GRM8: variants seen among roughly 807,000 people sequenced by gnomAD.
GRM8 encodes the protein glutamate metabotropic receptor 8, also known as metabotropic glutamate receptor 8.
Under a neutral mutation model 87.2 loss-of-function variants are expected in GRM8, and 47 were observed. The observed-to-expected ratio is 0.54, with a 90% CI of 0.43 to 0.69. GRM8 has a LOEUF of 0.69. Ranked by LOEUF, GRM8 falls within the 30% of genes least tolerant of loss-of-function variation. The pLI, the probability that GRM8 is intolerant of heterozygous loss-of-function variation, is 0.00. For missense variants in GRM8, 1,019 were observed against 1,139.2 expected, an observed-to-expected ratio of 0.89 and a Z score of 1.52; for synonymous variants, 396 against 404.5, an observed-to-expected ratio of 0.98 and a Z score of 0.25.
rs1798105301 is a variant in GRM8, at chr7:126,861,192, C to T, written c.1156+41350G>A. Among the ~76,000 whole-genome samples, 6 of 152,182 alleles carry T rather than the reference C, an allele frequency of 3.9e-5. No homozygotes were observed. In the South Asian group the frequency reaches 1.2e-3, roughly 32 times the overall value. On this transcript the variant is annotated intron_variant, in intron 6 of 10. Transcript: ENST00000339582. The stretch of plus-strand genomic sequence containing the variant: ...CCCTATCCATATTTTTATTTTCCCT[C>T]ATATGTATCTATTTATAAAGAGTGT...
chr7:126,962,362 A>C (rs1199034580), intron 3 of GRM8, among the ~76,000 whole-genome samples: 1 of 152,242 alleles, frequency 6.6e-6, no homozygotes, highest in African/African-American at 2.4e-5. Context: ...ATGCTGCTGC[A>C]TATGGTCAAG....
intron 2 of GRM8, chr7:127,228,848 A>G (rs1455067080): frequency 2.0e-5 from 3 of 152,196 alleles, no homozygotes; most frequent in Non-Finnish European, 4.4e-5. Context: ...CATTTTCTAG[A>G]TGGGCATAGA....
At chr7:126,702,971 G>A (rs570065383) in intron 7 of GRM8, among the ~76,000 whole-genome samples, 3 of 152,100 alleles carry the variant, frequency 2.0e-5, no homozygotes, top group East Asian at 1.9e-4. Flanking sequence ...GACTTGGCAC[G>A]TTCAAGCCAC....
chr7:126,920,843 C>G (rs549361894), intron 3 of GRM8, among the ~76,000 whole-genome samples: 5 of 151,526 alleles, frequency 3.3e-5, no homozygotes, highest in African/African-American at 1.2e-4. Flanking sequence ...CCCCTGCCCC[C>G]ACTAAACCCC....
At chr7:126,481,278 T>C (rs935282473) in intron 9 of GRM8, among the ~76,000 whole-genome samples, 1 of 151,984 alleles carries the variant, frequency 6.6e-6, no homozygotes, top group Non-Finnish European at 1.5e-5. Context: ...CAAGATCCAG[T>C]TATGGATGAC....
At chr7:127,040,282 T>C (rs1252635846) in intron 3 of GRM8, among the ~76,000 whole-genome samples, 4 of 152,040 alleles carry the variant, frequency 2.6e-5, no homozygotes, top group Admixed American at 1.3e-4. Context: ...AGCAGAGCTG[T>C]TGGGTTTGTC....
At chr7:126,464,022 T>C (rs1416891181) in intron 9 of GRM8, among the ~76,000 whole-genome samples, 1 of 151,770 alleles carries the variant, frequency 6.6e-6, no homozygotes, top group Non-Finnish European at 1.5e-5. Context: ...TTAAAGAAGC[T>C]GAATTGCTTT....
intron 7 of GRM8, among the ~76,000 whole-genome samples, chr7:126,699,204 A>G: frequency 6.6e-6 from 1 of 152,220 alleles, no homozygotes; most frequent in East Asian, 1.9e-4. Context: ...AAGGCATGAA[A>G]GGAAAAGACT....
intron 8 of GRM8, among the ~76,000 whole-genome samples, chr7:126,577,519 C>T (rs1477376437): frequency 3.3e-5 from 5 of 151,756 alleles, no homozygotes; most frequent in Non-Finnish European, 7.4e-5. Flanking sequence ...GTGTAAAACA[C>T]TATGAAGTTC....
At chr7:126,997,863 A>G (rs748534958) in intron 3 of GRM8, among the ~76,000 whole-genome samples, 1 of 151,918 alleles carries the variant, frequency 6.6e-6, no homozygotes, top group Non-Finnish European at 1.5e-5. Flanking sequence ...CATGTAAAGA[A>G]CTAATACCAA....
intron 6 of GRM8, among the ~76,000 whole-genome samples, chr7:126,788,729 T>C (rs1322370494): frequency 1.3e-5 from 2 of 151,078 alleles, no homozygotes; most frequent in East Asian, 3.9e-4. Flanking sequence ...ACCTAGACTC[T>C]AGGAGTTGAG....
At chr7:126,681,537 A>G (rs903378133) in intron 7 of GRM8, among the ~76,000 whole-genome samples, 8 of 152,256 alleles carry the variant, frequency 5.3e-5, no homozygotes, top group African/African-American at 1.9e-4. Context: ...CCCTGGAGCT[A>G]TTCCTCATCA....
intron 6 of GRM8, among the ~76,000 whole-genome samples, chr7:126,844,843 T>C (rs1294055169): frequency 6.6e-6 from 1 of 152,234 alleles, no homozygotes; most frequent in Non-Finnish European, 1.5e-5. Context: ...AGGACTTCAC[T>C]CTTATACTGT....
Position 127,173,285 on chromosome 7 carries a change from G to A in GRM8, c.511-66573C>T, listed in dbSNP as rs931006197. Among the ~76,000 whole-genome samples, 67 of 152,208 alleles carry A rather than the reference G, an allele frequency of 4.4e-4. 1 individual carries two copies. The highest frequency in any genetic ancestry group is 1.6e-3 in the African/African-American group (66 of 41,456). On this transcript the variant is annotated intron_variant, in intron 2 of 10. Transcript: ENST00000339582. ...TGGAGTTTTAATAGGGTAGCTATTG[G>A]TTATTGGGAAGGTATCTTTTGATCA... is the stretch of plus-strand genomic sequence containing the variant.
chr7:126,923,222 G>A (rs1261676624), intron 3 of GRM8, among the ~76,000 whole-genome samples: 1 of 152,020 alleles, frequency 6.6e-6, no homozygotes, highest in African/African-American at 2.4e-5. Flanking sequence ...GGCATAATAG[G>A]TGCTTGTTTA....
intron 9 of GRM8, among the ~76,000 whole-genome samples, chr7:126,455,353 G>A (rs903569440): frequency 5.3e-5 from 8 of 151,284 alleles, no homozygotes; most frequent in Admixed American, 1.3e-4. Flanking sequence ...TAAATACACC[G>A]AGAAGTGAAA....
intron 1 of GRM8, among the ~76,000 whole-genome samples, chr7:127,246,822 G>C (rs1288925668): frequency 6.6e-6 from 1 of 152,192 alleles, no homozygotes; most frequent in African/African-American, 2.4e-5. Flanking sequence ...ATCTAACACA[G>C]TATCTCCATA....
At chr7:127,005,597 T>C (rs1214330678) in intron 3 of GRM8, among the ~76,000 whole-genome samples, 1 of 151,854 alleles carries the variant, frequency 6.6e-6, no homozygotes, top group East Asian at 1.9e-4. Context: ...ATAAGTCTTT[T>C]ACAGTTATCT....
At chr7:126,930,716 A>G (rs1367824797) in intron 3 of GRM8, among the ~76,000 whole-genome samples, 2 of 152,218 alleles carry the variant, frequency 1.3e-5, no homozygotes, top group Non-Finnish European at 2.9e-5. Context: ...TGAGCTGATA[A>G]TTCCTATCAA....
Sources: gnomAD v4.1 joint callset for allele counts (sites outside exome capture counted in the v4.1 genomes callset) on GRCh38, gnomAD v4.1.1 for gene constraint, MANE v1.5 for transcripts, NCBI Gene and HGNC (gene_info 2026-07-23, HGNC 2026-07-21) for gene names.